The following GMDS variants were observed in gnomAD, a reference collection of about 807,000 sequenced individuals.
The protein encoded by GMDS is GDP-mannose 4,6 dehydratase.
Under a neutral mutation model 49.9 loss-of-function variants are expected in GMDS, and 20 were observed. The observed-to-expected ratio is 0.40, with a 90% confidence interval of 0.28 to 0.58. GMDS has a LOEUF of 0.58. Ranked by LOEUF, GMDS falls within the 20% of genes least tolerant of loss-of-function variation. The pLI, the probability that GMDS is intolerant of heterozygous loss-of-function variation, is 0.42. For missense variants in GMDS, 362 were observed against 481.4 expected (o/e 0.75, Z 2.32); for synonymous variants, 177 against 178.6 (o/e 0.99, Z 0.07).
At chr6:1,922,165 C>T (rs973285023) in intron 7 of GMDS, among the ~76,000 whole-genome samples, 26 of 152,196 alleles carry the variant, frequency 1.7e-4, no homozygotes, top group Non-Finnish European at 2.2e-4. Flanking sequence ...ATCCTCTGCA[C>T]GTAGTTACAC....
At chr6:1,688,230 C>T (rs2113328547) in intron 9 of GMDS, among the ~76,000 whole-genome samples, 1 of 152,270 alleles carries the variant, frequency 6.6e-6, no homozygotes, top group African/African-American at 2.4e-5. Flanking sequence ...TTTGGGGTTT[C>T]AGCAAAAAGA....
intron 7 of GMDS, among the ~76,000 whole-genome samples, chr6:1,776,375 A>G (rs1412783926): frequency 1.3e-5 from 2 of 152,180 alleles, no homozygotes; most frequent in African/African-American, 4.8e-5. Flanking sequence ...TTGGAATATT[A>G]AATCCTTGGT....
chr6:1,654,219 A>G (rs988112875), intron 9 of GMDS, among the ~76,000 whole-genome samples: 3 of 152,234 alleles, frequency 2.0e-5, no homozygotes, highest in African/African-American at 7.2e-5. Context: ...AAAAAATTAA[A>G]TATAGAATTA....
chr6:2,185,814 C>T (rs889949932), intron 1 of GMDS, among the ~76,000 whole-genome samples: 1 of 152,130 alleles, frequency 6.6e-6, no homozygotes, highest in Admixed American at 6.5e-5. Flanking sequence ...ACATCAGCCT[C>T]GTCTATGTAG....
chr6:1,992,855 G>A (rs976041603), intron 4 of GMDS, among the ~76,000 whole-genome samples: 26 of 152,232 alleles, frequency 1.7e-4, no homozygotes, highest in African/African-American at 5.5e-4. Flanking sequence ...CCTGCTGAGT[G>A]TGTTGATCTA....
intron 1 of GMDS, among the ~76,000 whole-genome samples, chr6:2,159,405 G>A (rs1304897096): frequency 1.3e-5 from 2 of 150,936 alleles, no homozygotes; most frequent in Non-Finnish European, 2.9e-5. Context: ...TTTTATGATA[G>A]ATTTGTGTAT....
At chr6:1,692,105 A>G (rs893458896) in intron 9 of GMDS, among the ~76,000 whole-genome samples, 13 of 152,228 alleles carry the variant, frequency 8.5e-5, no homozygotes, top group Non-Finnish European at 1.9e-4. Context: ...TCTTCCTCCC[A>G]TGCTAGATGC....
intron 4 of GMDS, among the ~76,000 whole-genome samples, chr6:2,057,329 C>T (rs1431363811): frequency 6.6e-6 from 1 of 152,168 alleles, no homozygotes; most frequent in Non-Finnish European, 1.5e-5. Flanking sequence ...AGAAACTCAA[C>T]AAATAATTAC....
intron 4 of GMDS, among the ~76,000 whole-genome samples, chr6:2,061,402 G>T (rs1252478405): frequency 6.6e-6 from 1 of 152,080 alleles, no homozygotes; most frequent in Non-Finnish European, 1.5e-5. Context: ...CTATCCTCAG[G>T]TGTATGAAAA....
intron 4 of GMDS, among the ~76,000 whole-genome samples, chr6:1,979,826 C>T (rs113014172): frequency 1.4e-4 from 21 of 152,242 alleles, no homozygotes; most frequent in Non-Finnish European, 2.1e-4. Flanking sequence ...AAGGGAAGCA[C>T]GTCAGACTAA....
intron 7 of GMDS, among the ~76,000 whole-genome samples, chr6:1,811,761 G>A (rs968371918): frequency 6.6e-6 from 1 of 151,966 alleles, no homozygotes; most frequent in African/African-American, 2.4e-5. Flanking sequence ...GTGATGTACT[G>A]GTTTTCTATT....
chr6:2,039,023 T>A (rs1769482620), intron 4 of GMDS, among the ~76,000 whole-genome samples: 1 of 152,140 alleles, frequency 6.6e-6, no homozygotes. Context: ...ATGGAGTGAA[T>A]TTACATAAAC....
chr6:2,214,728 T>C lies in GMDS; in HGVS notation c.102+30593A>G, dbSNP rs1046808114. 2.0e-5 allele frequency among the ~76,000 whole-genome samples: 3 copies of C among 152,224 alleles called. No individual in the cohort carries two copies. In the East Asian group the frequency reaches 5.8e-4, roughly 29 times the overall value. On this transcript the variant is annotated intron_variant, in intron 1 of 10. Coordinates refer to ENST00000380815, the MANE Select transcript of GMDS (RefSeq NM_001500.4). ...CAAGGTCTCACTATGTTGGTTGGGC[T>C]AGTCTTGAATTCATAGCCTCAAGTG...
At chr6:1,746,972 T>TTA (rs1251284715) in intron 7 of GMDS, among the ~76,000 whole-genome samples, 1 of 152,162 alleles carries the variant, frequency 6.6e-6, no homozygotes, top group Non-Finnish European at 1.5e-5. Context: ...AGTGCTGAGA[T>TTA]TACAGGTGTG....
intron 7 of GMDS, among the ~76,000 whole-genome samples, chr6:1,912,323 G>T (rs764499006): frequency 3.3e-5 from 5 of 152,134 alleles, no homozygotes; most frequent in African/African-American, 1.2e-4. Flanking sequence ...CCAAGATCAC[G>T]CCACTGCACT....
intron 4 of GMDS, among the ~76,000 whole-genome samples, chr6:1,976,237 C>G (rs1215309653): frequency 2.0e-5 from 3 of 152,176 alleles, no homozygotes; most frequent in Non-Finnish European, 4.4e-5. Context: ...AGAAGGTTGT[C>G]TTCAACTGAC....
At chr6:1,672,476 G>A (rs536009397) in intron 9 of GMDS, among the ~76,000 whole-genome samples, 23 of 152,326 alleles carry the variant, frequency 1.5e-4, no homozygotes, top group African/African-American at 1.9e-4. Flanking sequence ...GAAATTTCCC[G>A]CTCTATGTCT....
chr6:1,993,241 C>A (rs913706778), intron 4 of GMDS, among the ~76,000 whole-genome samples: 2 of 152,158 alleles, frequency 1.3e-5, no homozygotes, highest in Non-Finnish European at 2.9e-5. Context: ...TATGCTGGCT[C>A]GTGGTTTTGT....
At chr6:2,236,417 C>G (rs1158067627) in intron 1 of GMDS, among the ~76,000 whole-genome samples, 1 of 152,200 alleles carries the variant, frequency 6.6e-6, no homozygotes, top group African/African-American at 2.4e-5. Flanking sequence ...TCTTGACAAA[C>G]AGGGTTTCTG....
Sources: gnomAD v4.1 joint callset for allele counts (sites outside exome capture counted in the v4.1 genomes callset) on GRCh38, gnomAD v4.1.1 for gene constraint, MANE v1.5 for transcripts, NCBI Gene and HGNC (gene_info 2026-07-23, HGNC 2026-07-21) for gene names.